GLI3: variants seen among roughly 807,000 people sequenced by gnomAD.
GLI3 encodes GLI family zinc finger 3.
Under a neutral mutation model 100.8 loss-of-function variants are expected in GLI3, and 20 were observed. The observed-to-expected ratio is 0.20, with a 90% CI of 0.14 to 0.29. The LOEUF is 0.29. GLI3 is among the 10% of genes least tolerant of loss of function. The pLI, the probability that GLI3 is intolerant of heterozygous loss-of-function variation, is 1.00. For missense variants in GLI3, 2,040 were observed against 2,128.5 expected (o/e 0.96, Z 0.82); for synonymous variants, 938 against 860.5 (o/e 1.09, Z -1.58).
At chr7:42,183,801 C>T (rs75427624) in intron 2 of GLI3, among the ~76,000 whole-genome samples, 10,965 of 152,238 alleles carry the variant, frequency 0.072, 413 homozygotes, top group Middle Eastern at 0.099. Context: ...TGGACCGTCA[C>T]CCCCTCTCAC....
At position 41,977,592 on chromosome 7, in the gene GLI3, C is replaced by T. The variant is rs1787544916; in HGVS notation, c.1778G>A (p.Arg593His). ...ATGCGTTCTGTTTTGGTGTTTGGCGCGATCAGAGGCATTTGAGAAAGCCTT... is the reference window on the plus strand; with the variant it reads ...ATGCGTTCTGTTTTGGTGTTTGGCGTGATCAGAGGCATTTGAGAAAGCCTT... Reference protein sequence around the residue: ...CNKAFSNASDRAKHQNRTHSN... With the variant: ...CNKAFSNASDHAKHQNRTHSN... The change falls in exon 12 of 15, where the codon CGC (arginine) becomes CAC (histidine). Residue 593 changes from arginine (R) to histidine (H), a missense_variant. By Grantham distance (29) the Arg-to-His change is conservative. Around this residue, in one of 5 missense-constraint regions of GLI3, gnomAD observed 61 missense variants for 150.9 expected, o/e 0.40. Coordinates refer to ENST00000395925, the MANE Select transcript of GLI3 (RefSeq NM_000168.6). The T allele has an allele frequency of 1.2e-6, 2 of 1,614,046 alleles. No individual in the cohort carries two copies. Among genetic ancestry groups the T allele is most frequent in the Non-Finnish European group, 1.7e-6 (2 of 1,180,036 alleles).
At chr7:42,092,806 T>TTTATTTATTTATTTATTTATTTAC (rs1289166827) in intron 3 of GLI3, among the ~76,000 whole-genome samples, 64 of 142,072 alleles carry the variant, frequency 4.5e-4, no homozygotes, top group African/African-American at 1.6e-3. Context: ...TATTTATTTA[T>TTTATTTATTTATTTATTTATTTAC]TTATTTATGT....
intron 10 of GLI3, among the ~76,000 whole-genome samples, chr7:42,002,224 C>A (rs1382493119): frequency 6.6e-6 from 1 of 152,032 alleles, no homozygotes; most frequent in African/African-American, 2.4e-5. Flanking sequence ...ATAAGAAAGT[C>A]ACTAAAAATT....
intron 3 of GLI3, among the ~76,000 whole-genome samples, chr7:42,127,159 C>G (rs1465780080): frequency 6.6e-6 from 1 of 152,192 alleles, no homozygotes; most frequent in Non-Finnish European, 1.5e-5. Context: ...TGATTGCAGG[C>G]ACTCCTTCTG....
At chr7:42,105,506 A>T (rs1785553797) in intron 3 of GLI3, among the ~76,000 whole-genome samples, 1 of 152,210 alleles carries the variant, frequency 6.6e-6, no homozygotes. Flanking sequence ...GTAAGAGGAA[A>T]ATGAGAGATG....
chr7:42,143,625 C>G (rs879525920), intron 3 of GLI3, among the ~76,000 whole-genome samples: 7 of 152,176 alleles, frequency 4.6e-5, no homozygotes, highest in Non-Finnish European at 8.8e-5. Context: ...AGCACAACAG[C>G]CTTCCACAGA....
chr7:42,048,726 G>T, intron 4 of GLI3, 30 bp from the exon 5 acceptor site: 4 of 1,390,758 alleles, frequency 2.9e-6, no homozygotes, highest in Non-Finnish European at 3.1e-6. Context: ...GATACAAGGG[G>T]TATGCATGAG....
rs971815104 is a variant in GLI3 at position 42,128,525 on chromosome 7, T to C, written c.367+19701A>G. On this transcript the variant is annotated intron_variant, in intron 3 of 14. Coordinates refer to ENST00000395925, the MANE Select transcript of GLI3 (RefSeq NM_000168.6). ...CTATAAAATATGATACATGCCTAGT[T>C]TTTAGGTAGAAGTTTAGAATTAAAT... 1.1e-4 allele frequency among the ~76,000 whole-genome samples: 16 copies of C among 152,318 alleles called. No individual in the cohort carries two copies. In the East Asian group the frequency reaches 1.7e-3, roughly 17 times the overall value.
rs760503900 is a variant in GLI3 at position 42,251,414 on chromosome 7, G to A, written c.-43+12580C>T. On this transcript the variant is annotated intron_variant, in intron 1 of 2. Transcript: ENST00000678978. ...TGATCTGACAGGAGGCAGAGCTTAGGCGGCGATGCTCTAATGCTCGCTTGC... is the reference window on the plus strand; with the variant it reads ...TGATCTGACAGGAGGCAGAGCTTAGACGGCGATGCTCTAATGCTCGCTTGC... 5.2e-4 allele frequency among the ~76,000 whole-genome samples: 79 copies of A among 152,214 alleles called. 1 individual carries two copies. The highest frequency in any genetic ancestry group is 8.8e-5 in the Non-Finnish European group (6 of 68,042).
At chr7:42,259,429 T>C (rs1789117558) in intron 1 of GLI3, among the ~76,000 whole-genome samples, 1 of 152,214 alleles carries the variant, frequency 6.6e-6, no homozygotes. Context: ...CTAGTTAAGC[T>C]CTAGCTCTAA....
chr7:42,252,437 G>A (rs1306310011), intron 1 of GLI3, among the ~76,000 whole-genome samples: 3 of 151,994 alleles, frequency 2.0e-5, no homozygotes, highest in Admixed American at 6.6e-5. Context: ...CATGACACAC[G>A]TTTACCTTTA....
upstream of GLI3, among the ~76,000 whole-genome samples, chr7:42,242,322 A>G (rs1788933594): frequency 1.3e-5 from 2 of 152,242 alleles, no homozygotes; most frequent in Admixed American, 1.3e-4. Context: ...TTATACTTGC[A>G]GCATCACTTG....
In GLI3 at chr7:42,048,557, G is replaced by C. The variant is rs767832980; in HGVS notation, c.613C>G (p.Arg205Gly). ...AGCGATGGGCTGCTGTGCAAGGAGC[G>C]GATATAGTCCATGTAGGGATTAATG... Reference protein sequence around the residue: ...PYINPYMDYIRSLHSSPSLSM... With the variant: ...PYINPYMDYIGSLHSSPSLSM... The change falls in exon 5 of 15, where the codon CGC (arginine) becomes GGC (glycine). Residue 205 changes from arginine (R) to glycine (G), a missense_variant. This residue lies in a region of GLI3 where 603 missense variants were observed against 690.9 expected (regional missense o/e 0.87). Transcript: ENST00000395925. 1 of 1,613,042 alleles carries C rather than the reference G, an allele frequency of 6.2e-7. No individual in the cohort carries two copies. Among genetic ancestry groups the C allele is most frequent in the South Asian group, 1.1e-5 (1 of 90,996 alleles).
chr7:42,145,683 T>C (rs942622120), intron 3 of GLI3: 1 of 396,858 alleles, frequency 2.5e-6, no homozygotes, highest in South Asian at 1.3e-4. Context: ...CAAACATGAC[T>C]TAGAGAGTCA....
At chr7:42,049,954 C>A (rs1299832308) in intron 4 of GLI3, among the ~76,000 whole-genome samples, 1 of 152,212 alleles carries the variant, frequency 6.6e-6, no homozygotes, top group Non-Finnish European at 1.5e-5. Flanking sequence ...CACATTTTCT[C>A]CTTGCAAAGC....
intron 1 of GLI3, among the ~76,000 whole-genome samples, chr7:42,224,465 A>G (rs1189677059): frequency 6.6e-6 from 1 of 152,216 alleles, no homozygotes; most frequent in Non-Finnish European, 1.5e-5. Flanking sequence ...CTGGAATTCA[A>G]GTAACTAGAA....
intron 10 of GLI3, among the ~76,000 whole-genome samples, chr7:41,992,144 G>A (rs1347718322): frequency 1.3e-5 from 2 of 152,212 alleles, no homozygotes; most frequent in Admixed American, 1.3e-4. Context: ...ACTGGGCAAT[G>A]AATCCATCTA....
chr7:42,085,110 C>T (rs1298607242), intron 3 of GLI3, among the ~76,000 whole-genome samples: 1 of 151,790 alleles, frequency 6.6e-6, no homozygotes, highest in African/African-American at 2.4e-5. Context: ...CAAGGATTCA[C>T]CATGTGAGCC....
intron 2 of GLI3, among the ~76,000 whole-genome samples, chr7:42,214,409 G>C (rs1414842716): frequency 6.6e-6 from 1 of 151,534 alleles, no homozygotes; most frequent in Admixed American, 6.6e-5. Context: ...TGTGGGAATG[G>C]TCTCCTAAGA....
Sources: gnomAD v4.1 joint callset for allele counts (sites outside exome capture counted in the v4.1 genomes callset) on GRCh38, gnomAD v4.1.1 for gene constraint, gnomAD v4.1.1 regional missense constraint, MANE v1.5 for transcripts, NCBI Gene and HGNC (gene_info 2026-07-23, HGNC 2026-07-21) for gene names.